The following LRBA variants were observed in gnomAD, a reference collection of about 807,000 sequenced individuals.
LRBA encodes lipopolysaccharide-responsive and beige-like anchor protein.
In LRBA, 176 loss-of-function variants were observed where a neutral mutation model predicts 330.0. The observed-to-expected ratio is 0.53, with a 90% CI of 0.47 to 0.60. The LOEUF is 0.60. LRBA is among the 20% of genes least tolerant of loss of function. The pLI is 0.00. For missense variants in LRBA, 3,259 were observed against 3,444.8 expected, an observed-to-expected ratio of 0.95 and a Z score of 1.35; for synonymous variants, 1,230 against 1,193.0, an observed-to-expected ratio of 1.03 and a Z score of -0.64.
At chr4:150,773,144 T>C (rs555672167) in intron 34 of LRBA, among the ~76,000 whole-genome samples, 5 of 152,338 alleles carry the variant, frequency 3.3e-5, no homozygotes, top group African/African-American at 1.2e-4. Context: ...AAAAGTCTGG[T>C]AGTTACAACT....
In LRBA at chr4:150,836,975, A is replaced by T. The variant is rs550246395; in HGVS notation, c.4570-4999T>A. 3.3e-5 allele frequency among the ~76,000 whole-genome samples: 5 copies of T among 152,272 alleles called. No individual in the cohort carries two copies. The South Asian group carries it at 1.0e-3, about 32-fold the overall frequency. ...CTACACACTGCTTTAAATGTGTCCC[A>T]GAGATTCTGGTATGTTGTGTCTTTG... On this transcript the variant is annotated intron_variant, in intron 28 of 56. Coordinates refer to ENST00000651943, the MANE Select transcript of LRBA (RefSeq NM_001364905.1).
At chr4:150,310,165 T>C in intron 52 of LRBA, 64 bp downstream of exon 52, 1 of 1,158,150 alleles carries the variant, frequency 8.6e-7, no homozygotes, top group South Asian at 1.4e-5. Flanking sequence ...TAAGAATGCA[T>C]CCTAAGCCTC....
chr4:150,404,755 T>C (rs1382991099), intron 47 of LRBA, among the ~76,000 whole-genome samples: 2 of 152,234 alleles, frequency 1.3e-5, no homozygotes, highest in Non-Finnish European at 2.9e-5. Context: ...TTTAATGAAA[T>C]ACTAACAATG....
intron 30 of LRBA, among the ~76,000 whole-genome samples, chr4:150,820,453 C>A (rs1369533241): frequency 2.0e-5 from 3 of 151,866 alleles, no homozygotes; most frequent in Non-Finnish European, 4.4e-5. Context: ...TAATCAACAG[C>A]AATAAAGATC....
At chr4:150,637,832 C>T (rs1252047581) in intron 37 of LRBA, among the ~76,000 whole-genome samples, 2 of 152,038 alleles carry the variant, frequency 1.3e-5, no homozygotes, top group East Asian at 3.9e-4. Context: ...GATTCTTGAC[C>T]CATTGCACTA....
Position 150,439,456 on chromosome 4 carries a change from C to A in LRBA, c.6781-2592G>T, listed in dbSNP as rs577291807. Among the ~76,000 whole-genome samples, 120 of 151,660 alleles carry A rather than the reference C, an allele frequency of 7.9e-4. 1 individual carries two copies. Among genetic ancestry groups the A allele is most frequent in the Non-Finnish European group, 1.6e-4 (11 of 67,914 alleles). The stretch of plus-strand genomic sequence containing the variant: ...ATACGACAGCTATCAAGACATACCA[C>A]GTTTATTTGCAAGCATATAAAAAAG... On this transcript the variant is annotated intron_variant, in intron 44 of 56. Transcript: ENST00000651943.
At position 150,868,303 on chromosome 4, in the gene LRBA, T is replaced by C. The variant is rs766402951; in HGVS notation, c.2452A>G (p.Ile818Val). The C allele has an allele frequency of 7.5e-6, 12 of 1,609,786 alleles. No homozygotes were observed. Among genetic ancestry groups the C allele is most frequent in the East Asian group, 2.2e-5 (1 of 44,798 alleles). The change falls in exon 21 of 57, where the codon ATA becomes GTA. Residue 818 changes from isoleucine (I) to valine (V), a missense_variant and splice_region_variant. By Grantham distance (29) the Ile-to-Val change is conservative (BLOSUM62 3). Transcript: ENST00000651943. ...DSSVKIQNPQILKVIATLLRN... is the reference protein window; with the variant it reads ...DSSVKIQNPQVLKVIATLLRN... Reference sequence around the variant, plus strand: ...AGTAGGGTCGCAATTACTTTTAGTATCTCTGTAAGACAGTTTATAAATAAG... The same window carrying C: ...AGTAGGGTCGCAATTACTTTTAGTACCTCTGTAAGACAGTTTATAAATAAG...
intron 2 of LRBA, 134 bp downstream of exon 2, chr4:151,014,293 T>C (rs560982031): frequency 7.9e-6 from 5 of 631,240 alleles, no homozygotes; most frequent in Non-Finnish European, 1.4e-5. Context: ...TTCATTTAGG[T>C]GAGTAGAATT....
intron 48 of LRBA, 38 bp downstream of exon 48, chr4:150,349,954 C>A: frequency 1.3e-6 from 2 of 1,588,506 alleles, no homozygotes; most frequent in South Asian, 1.1e-5. Flanking sequence ...TTTAAATATA[C>A]CTGACTATAA....
chr4:150,806,388 C>T lies in LRBA; in HGVS notation c.5401G>A (p.Glu1801Lys), dbSNP rs199596976. Residue 1801 changes from glutamate to lysine, a missense_variant, in exon 33 of 57, where the codon GAA (glutamate) becomes AAA (lysine). Transcript: ENST00000651943. ...VSNMSITERL[E>K]HALEKAAPLL... The stretch of plus-strand genomic sequence containing the variant: ...GGAGCTGCCTTTTCCAAAGCGTGTT[C>T]AAGCCTCTCTGTAATACTAAGGAAA... 2.5e-6 allele frequency: 4 copies of T among 1,601,884 alleles called. No homozygotes were observed. Among genetic ancestry groups the T allele is most frequent in the Admixed American group, 1.7e-5 (1 of 57,348 alleles).
chr4:150,583,942 C>A lies in LRBA; in HGVS notation c.6330+4106G>T. 6.2e-7 allele frequency: 1 copy of A among 1,613,412 alleles called. No homozygotes were observed. Among genetic ancestry groups the A allele is most frequent in the Non-Finnish European group, 8.5e-7 (1 of 1,179,652 alleles). Reference sequence around the variant, plus strand: ...GGGCGACCGGCTCAACGGCATCCTGCTGCAGCTCATCTCCTGCCTGCAGTG... The same window carrying A: ...GGGCGACCGGCTCAACGGCATCCTGATGCAGCTCATCTCCTGCCTGCAGTG... On this transcript the variant is annotated intron_variant, in intron 40 of 56. Coordinates refer to ENST00000651943, the MANE Select transcript of LRBA (RefSeq NM_001364905.1). The surrounding 1 kb of genome is among the most constrained non-coding windows in gnomAD (Gnocchi z 9.8).
chr4:150,488,912 CACACACATAAGAA>C (rs1758224328), intron 41 of LRBA, among the ~76,000 whole-genome samples: 3 of 125,770 alleles, frequency 2.4e-5, no homozygotes, highest in African/African-American at 8.8e-5. Flanking sequence ...AGAATATATA[CACACACATAAGAA>C]TATATACACA....
At chr4:150,598,330 A>G (rs1773729466) in intron 38 of LRBA, among the ~76,000 whole-genome samples, 1 of 152,168 alleles carries the variant, frequency 6.6e-6, no homozygotes. Flanking sequence ...ATAGTATCAA[A>G]TCCAAAGGAA....
chr4:150,504,546 G>C (rs1760781206), intron 40 of LRBA, among the ~76,000 whole-genome samples: 1 of 152,180 alleles, frequency 6.6e-6, no homozygotes, highest in Admixed American at 6.5e-5. Flanking sequence ...CAAATGCTGA[G>C]AGATTTTGTC....
At chr4:150,945,114 A>G (rs559837187) in intron 2 of LRBA, among the ~76,000 whole-genome samples, 1 of 152,342 alleles carries the variant, frequency 6.6e-6, no homozygotes, top group Non-Finnish European at 1.5e-5. Context: ...ATACAACTGG[A>G]AAGTTCTTTT....
chr4:150,713,755 T>C (rs573761476), intron 36 of LRBA, among the ~76,000 whole-genome samples: 7 of 152,262 alleles, frequency 4.6e-5, no homozygotes, highest in African/African-American at 1.4e-4. Flanking sequence ...CACTTCTAGT[T>C]TGATGAAATT....
At chr4:150,771,949 G>A (rs904787379) in intron 34 of LRBA, among the ~76,000 whole-genome samples, 1 of 152,070 alleles carries the variant, frequency 6.6e-6, no homozygotes, top group Non-Finnish European at 1.5e-5. Flanking sequence ...ATTCACATAG[G>A]ACACAAATAC....
At chr4:150,754,386 C>T (rs1383415305) in intron 35 of LRBA, among the ~76,000 whole-genome samples, 1 of 151,560 alleles carries the variant, frequency 6.6e-6, no homozygotes, top group African/African-American at 2.4e-5. Context: ...CATATAAGAG[C>T]ATATACTTTA....
chr4:150,938,465 T>A (rs1026299183), intron 2 of LRBA, among the ~76,000 whole-genome samples: 1 of 152,144 alleles, frequency 6.6e-6, no homozygotes, highest in Non-Finnish European at 1.5e-5. Flanking sequence ...TCCATAATAA[T>A]AAAGAGTTTC....
Sources: gnomAD v4.1 joint callset for allele counts (sites outside exome capture counted in the v4.1 genomes callset) on GRCh38, gnomAD v4.1.1 for gene constraint, Gnocchi (gnomAD v3.1) non-coding constraint, MANE v1.5 for transcripts, NCBI Gene and HGNC (gene_info 2026-07-23, HGNC 2026-07-21) for gene names.